The following SEMA3A variants were observed in gnomAD, a reference collection of about 807,000 sequenced individuals.
SEMA3A encodes the protein semaphorin-3A.
Under a neutral mutation model 97.9 loss-of-function variants are expected in SEMA3A, and 29 were observed. The observed-to-expected ratio is 0.30, with a 90% CI of 0.22 to 0.40. The LOEUF (loss-of-function observed/expected upper bound fraction) is 0.40, where lower values mean the gene tolerates loss of function less well. Among genes scored for constraint, SEMA3A ranks in the 10% least tolerant of loss-of-function variants. The probability of loss-of-function intolerance (pLI) is 1.00; values close to 1 mark genes in which losing one functional copy is unlikely to be tolerated. For missense variants in SEMA3A, 763 were observed against 951.3 expected (o/e 0.80, Z 2.60); for synonymous variants, 321 against 323.7 (o/e 0.99, Z 0.09).
At chr7:84,473,142 G>C (rs927789140) in intron 1 of SEMA3A, among the ~76,000 whole-genome samples, 3 of 53,350 alleles carry the variant, frequency 5.6e-5, no homozygotes, top group Non-Finnish European at 9.0e-5. Flanking sequence ...AAAAGAAATG[G>C]TGTGTGTGTG....
intron 3 of SEMA3A, among the ~76,000 whole-genome samples, chr7:84,233,963 G>A (rs1016963959): frequency 1.3e-5 from 2 of 151,240 alleles, no homozygotes; most frequent in African/African-American, 4.9e-5. Context: ...GAATCTAACC[G>A]ATGCTCTATA....
intron 1 of SEMA3A, among the ~76,000 whole-genome samples, chr7:84,404,881 G>C (rs922093778): frequency 6.6e-6 from 1 of 152,072 alleles, no homozygotes; most frequent in African/African-American, 2.4e-5. Context: ...CCCTAAAAGA[G>C]CTCCTGAAGG....
At chr7:84,153,062 G>C (rs1243869177) in intron 1 of SEMA3A, among the ~76,000 whole-genome samples, 1 of 152,112 alleles carries the variant, frequency 6.6e-6, no homozygotes, top group Non-Finnish European at 1.5e-5. Flanking sequence ...GAGTTTGTTT[G>C]ATGATCTTAA....
At chr7:83,986,096 G>A (rs1789625053) in intron 12 of SEMA3A, among the ~76,000 whole-genome samples, 1 of 152,106 alleles carries the variant, frequency 6.6e-6, no homozygotes, top group South Asian at 2.1e-4. Flanking sequence ...TCTCAGAGTG[G>A]TCCTTTCTGA....
rs563759507 is a variant in SEMA3A at position 84,429,161 on chromosome 7, T to C, written c.-245-57261A>G. ...TCAATTAGCATAATTTAGTTACTAA[T>C]TGAGAATCTCTACTTTATTTATGCC... On this transcript the variant is annotated intron_variant, in intron 1 of 3. Coordinates refer to the SEMA3A transcript ENST00000424555. 1.8e-4 allele frequency among the ~76,000 whole-genome samples: 27 copies of C among 152,160 alleles called. No individual in the cohort carries two copies. In the East Asian group the frequency reaches 2.3e-3, roughly 13 times the overall value.
intron 1 of SEMA3A, among the ~76,000 whole-genome samples, chr7:84,488,347 CACAT>C (rs1049205186): frequency 7.3e-5 from 11 of 151,706 alleles, no homozygotes; most frequent in South Asian, 2.1e-4. Flanking sequence ...CACACACACA[CACAT>C]ATATATATGT....
rs1584540603 is a variant in SEMA3A, at chr7:84,008,892, A to T, written c.996-1395T>A. On this transcript the variant is annotated intron_variant, in intron 9 of 16. Coordinates refer to ENST00000265362, the MANE Select transcript of SEMA3A (RefSeq NM_006080.3). ...TAGCAAATTAGTGCATACTTGATAC[A>T]TCACACTTTGTAATGTTTGGGTTAT... 2.0e-5 allele frequency among the ~76,000 whole-genome samples: 3 copies of T among 152,320 alleles called. No individual in the cohort carries two copies. The East Asian group carries it at 5.8e-4, about 29-fold the overall frequency.
intron 2 of SEMA3A, among the ~76,000 whole-genome samples, chr7:84,335,575 T>G (rs999590524): frequency 1.3e-5 from 2 of 152,116 alleles, no homozygotes; most frequent in Non-Finnish European, 2.9e-5. Flanking sequence ...ACATTTTCTT[T>G]GGGAATTTGA....
intron 1 of SEMA3A, among the ~76,000 whole-genome samples, chr7:84,386,345 T>A (rs1167570550): frequency 6.6e-6 from 1 of 152,284 alleles, no homozygotes; most frequent in East Asian, 1.9e-4. Flanking sequence ...TAATCCATGC[T>A]GTTTCGATGT....
At chr7:84,452,807 A>T (rs1805591406) in intron 1 of SEMA3A, among the ~76,000 whole-genome samples, 1 of 152,158 alleles carries the variant, frequency 6.6e-6, no homozygotes, top group South Asian at 2.1e-4. Context: ...TTCATCTGTC[A>T]TTGACCAGAG....
chr7:84,043,576 A>C (rs183397173), intron 6 of SEMA3A, among the ~76,000 whole-genome samples: 2 of 152,234 alleles, frequency 1.3e-5, no homozygotes, highest in Admixed American at 6.6e-5. Context: ...TGTATAGTCT[A>C]TGCTGATGCC....
intron 2 of SEMA3A, among the ~76,000 whole-genome samples, chr7:84,360,044 T>G (rs1802673904): frequency 6.6e-6 from 1 of 151,402 alleles, no homozygotes; most frequent in South Asian, 2.1e-4. Flanking sequence ...TCTTTATTAG[T>G]CTTGCTAGTG....
chr7:84,155,214 C>T (rs1375516338), intron 1 of SEMA3A, among the ~76,000 whole-genome samples: 3 of 152,120 alleles, frequency 2.0e-5, no homozygotes, highest in Non-Finnish European at 2.9e-5. Context: ...ATTTTCATGA[C>T]GCAGGATTCT....
intron 6 of SEMA3A, among the ~76,000 whole-genome samples, chr7:84,018,114 G>A (rs746687736): frequency 1.3e-5 from 2 of 151,980 alleles, no homozygotes; most frequent in African/African-American, 2.4e-5. Flanking sequence ...TCGTCAAATC[G>A]ACAAATATAC....
intron 4 of SEMA3A, among the ~76,000 whole-genome samples, chr7:84,086,894 ATCATGTTAAGTAGCTAC>A (rs1794396108): frequency 6.8e-6 from 1 of 147,902 alleles, no homozygotes; most frequent in African/African-American, 2.4e-5. Flanking sequence ...GCATGCTTTC[ATCATGTTAAGTAGCTAC>A]TCAGTAATTC....
intron 1 of SEMA3A, among the ~76,000 whole-genome samples, chr7:84,453,184 GGAAA>G (rs1413501663): frequency 1.3e-4 from 19 of 151,600 alleles, no homozygotes; most frequent in Non-Finnish European, 2.5e-4. Flanking sequence ...TGACAAACGT[GGAAA>G]GAGAGATGAA....
chr7:84,039,503 T>C (rs761421059), intron 6 of SEMA3A, among the ~76,000 whole-genome samples: 1 of 152,150 alleles, frequency 6.6e-6, no homozygotes, highest in Non-Finnish European at 1.5e-5. Flanking sequence ...ATGGTAAGGC[T>C]ATATGAAAAA....
chr7:84,011,127 T>A (rs556809249), intron 8 of SEMA3A, 36 bp from the exon 9 acceptor site: 1 of 1,605,848 alleles, frequency 6.2e-7, no homozygotes. Flanking sequence ...GTTGCTTTTT[T>A]ATGGAATGGC....
chr7:84,091,998 C>T (rs1198892489), intron 4 of SEMA3A, among the ~76,000 whole-genome samples: 1 of 152,072 alleles, frequency 6.6e-6, no homozygotes, highest in South Asian at 2.1e-4. Flanking sequence ...GAATTCTAGG[C>T]AGAGTACCCT....
Sources: allele counts gnomAD v4.1 joint callset (sites outside exome capture counted in the v4.1 genomes callset), GRCh38; gene constraint gnomAD v4.1.1; transcripts MANE v1.5; gene names NCBI Gene and HGNC (gene_info 2026-07-23, HGNC 2026-07-21).